The following LOXL2 variants were observed in gnomAD, a reference collection of about 807,000 sequenced individuals.
LOXL2 encodes the protein lysyl oxidase like 2, also known as lysyl oxidase homolog 2.
In LOXL2, 70 loss-of-function variants were observed where a neutral mutation model predicts 93.0. The observed-to-expected ratio is 0.75, with a 90% CI of 0.62 to 0.92. The LOEUF (loss-of-function observed/expected upper bound fraction) is 0.92, where lower values mean the gene tolerates loss of function less well. LOXL2 is among the 40% of genes least tolerant of loss of function. The pLI is 0.00. For synonymous variants in LOXL2, 438 were observed against 413.2 expected (o/e 1.06, Z -0.73); for missense variants, 973 against 1,054.9 (o/e 0.92, Z 1.08).
At chr8:23,325,839 T>C (rs1188740650) in intron 6 of LOXL2, among the ~76,000 whole-genome samples, 3 of 152,182 alleles carry the variant, frequency 2.0e-5, no homozygotes, top group Admixed American at 2.0e-4. Context: ...GCAGGGGTCC[T>C]AAGGCACAGA....
At chr8:23,382,848 T>C (rs1804700100) in intron 1 of LOXL2, among the ~76,000 whole-genome samples, 1 of 152,118 alleles carries the variant, frequency 6.6e-6, no homozygotes, top group Non-Finnish European at 1.5e-5. Context: ...CTGATGATGC[T>C]CTTCTCTGGG....
intron 8 of LOXL2, among the ~76,000 whole-genome samples, chr8:23,319,023 C>G (rs1231409957): frequency 6.6e-6 from 1 of 152,234 alleles, no homozygotes; most frequent in Non-Finnish European, 1.5e-5. Context: ...AGAAGGACCA[C>G]TGGGGAAGGA....
chr8:23,394,606 G>A lies in LOXL2; in HGVS notation c.-84+9348C>T, dbSNP rs371742455. Among the ~76,000 whole-genome samples the A allele has an allele frequency of 9.2e-5, 14 of 152,216 alleles. No homozygotes were observed. The East Asian group carries it at 1.2e-3, about 13-fold the overall frequency. On this transcript the variant is annotated intron_variant, in intron 1 of 13. Transcript: ENST00000389131. ...TTTTCTTAAGGGGAAAATAAAAAGT[G>A]TCCCCAAAGATGTGGAGAAATTAGA...
At chr8:23,379,424 C>G (rs1585378941) in intron 1 of LOXL2, among the ~76,000 whole-genome samples, 1 of 152,310 alleles carries the variant, frequency 6.6e-6, no homozygotes, top group East Asian at 1.9e-4. Context: ...TCTCAGATCT[C>G]AAACTCCATG....
At chr8:23,386,063 G>A (rs761262468) in intron 1 of LOXL2, 1 of 764,994 alleles carries the variant, frequency 1.3e-6, no homozygotes, top group Non-Finnish European at 2.4e-6. Context: ...AAAACCGAGA[G>A]ACAGAAAGGC....
chr8:23,355,574 CTTTTAGTCAA>C (rs1359042216), intron 3 of LOXL2, among the ~76,000 whole-genome samples: 1 of 109,766 alleles, frequency 9.1e-6, no homozygotes, highest in Admixed American at 1.2e-4. Context: ...TGATACTGAG[CTTTTAGTCAA>C]CCACTGCCGC....
intron 5 of LOXL2, 131 bp from the exon 6 acceptor site, chr8:23,328,696 G>C: frequency 1.4e-6 from 1 of 690,004 alleles, no homozygotes; most frequent in South Asian, 1.7e-5. Flanking sequence ...CTGCAACTAT[G>C]CTTGATGTAT....
intron 10 of LOXL2, among the ~76,000 whole-genome samples, chr8:23,305,669 G>T (rs1183407060): frequency 6.6e-6 from 1 of 152,122 alleles, no homozygotes; most frequent in Non-Finnish European, 1.5e-5. Context: ...GATCCCTGGG[G>T]TAGAGTTAGG....
chr8:23,373,110 C>G (rs1481178909), intron 1 of LOXL2, among the ~76,000 whole-genome samples: 1 of 152,180 alleles, frequency 6.6e-6, no homozygotes, highest in East Asian at 1.9e-4. Context: ...ATGAGGAAAT[C>G]TATTATCATG....
chr8:23,334,877 C>G (rs568867965), intron 4 of LOXL2, among the ~76,000 whole-genome samples: 73 of 149,676 alleles, frequency 4.9e-4, no homozygotes, highest in African/African-American at 1.7e-3. Flanking sequence ...AGTGCTTTGG[C>G]GCGATCTTAA....
chr8:23,343,798 C>A (rs1452154840), intron 3 of LOXL2, among the ~76,000 whole-genome samples: 1 of 152,204 alleles, frequency 6.6e-6, no homozygotes, highest in Non-Finnish European at 1.5e-5. Flanking sequence ...GCCACCAAGA[C>A]ACGTGGACAG....
In LOXL2 at chr8:23,368,205, G is replaced by C. The variant is rs771406277; in HGVS notation, c.147C>G (p.Ala49=). ...QPAPEYHQPQ[A]PANVAKIQLR... ...GCTGAATCTTGGCCACGTTGGCGGG[G>C]GCCTGGGGCTGGTGATACTCAGGAG... Residue 49 remains alanine, a synonymous_variant, in exon 2 of 14, where the codon GCC becomes GCG. Coordinates refer to ENST00000389131, the MANE Select transcript of LOXL2 (RefSeq NM_002318.3). 6.2e-7 allele frequency: 1 copy of C among 1,614,058 alleles called. No homozygotes were observed. Among genetic ancestry groups the C allele is most frequent in the East Asian group, 2.2e-5 (1 of 44,876 alleles).
intron 2 of LOXL2, chr8:23,363,090 A>C (rs533212612): frequency 1.1e-4 from 16 of 152,334 alleles, no homozygotes; most frequent in African/African-American, 3.8e-4. Flanking sequence ...TGTGCCTGGT[A>C]CGCTTTCAAC....
chr8:23,304,915 C>G (rs1030000416), intron 10 of LOXL2, among the ~76,000 whole-genome samples: 6 of 152,090 alleles, frequency 3.9e-5, no homozygotes, highest in African/African-American at 1.2e-4. Context: ...CGAGGAAATT[C>G]GAGGCTCTTT....
chr8:23,341,632 T>C (rs1055949192), intron 3 of LOXL2: 6 of 228,408 alleles, frequency 2.6e-5, no homozygotes, highest in Non-Finnish European at 5.3e-5. Flanking sequence ...TGTGAGTGTG[T>C]CTGTGTGTGT....
intron 1 of LOXL2, among the ~76,000 whole-genome samples, chr8:23,379,897 G>A (rs1430782561): frequency 6.6e-6 from 1 of 152,074 alleles, no homozygotes; most frequent in Admixed American, 6.5e-5. Context: ...TGGGTGAGGG[G>A]ATGCCTCGCC....
chr8:23,335,568 G>C (rs56216025), intron 4 of LOXL2, among the ~76,000 whole-genome samples: 27,151 of 152,108 alleles, frequency 0.18, 2,660 homozygotes, highest in South Asian at 0.3. Flanking sequence ...ATTGGGCCCT[G>C]AATGATGGTG....
chr8:23,335,744 C>T (rs564176757), intron 4 of LOXL2, among the ~76,000 whole-genome samples: 5 of 152,202 alleles, frequency 3.3e-5, no homozygotes, highest in East Asian at 3.9e-4. Context: ...AGGGCAGAGG[C>T]GAGGTCCCAT....
At chr8:23,309,226 G>A (rs1051382425) in intron 10 of LOXL2, among the ~76,000 whole-genome samples, 3 of 151,886 alleles carry the variant, frequency 2.0e-5, no homozygotes, top group African/African-American at 7.3e-5. Context: ...CTCGTGATCC[G>A]CCCGCCTCGG....
Sources: allele counts gnomAD v4.1 joint callset (sites outside exome capture counted in the v4.1 genomes callset), GRCh38; gene constraint gnomAD v4.1.1; transcripts MANE v1.5; gene names NCBI Gene and HGNC (gene_info 2026-07-23, HGNC 2026-07-21).